The following BCOR variants were observed in gnomAD, a reference collection of about 807,000 sequenced individuals.
BCOR encodes BCL-6 corepressor.
Under a neutral mutation model 86.7 loss-of-function variants are expected in BCOR, and 10 were observed. The ratio of observed to expected loss-of-function variants is 0.12; its 90% CI spans 0.07 to 0.20. The LOEUF is 0.20. Among genes scored for constraint, BCOR ranks in the 10% least tolerant of loss-of-function variants. The pLI, the probability that BCOR is intolerant of heterozygous loss-of-function variation, is 1.00. For missense variants in BCOR, 1,259 were observed against 1,452.1 expected, an observed-to-expected ratio of 0.87 and a Z score of 2.16; for synonymous variants, 611 against 609.0, an observed-to-expected ratio of 1.00 and a Z score of -0.05.
chrX:40,099,766 G>T (rs761608112), upstream of BCOR, among the ~76,000 whole-genome samples: 1 of 112,270 alleles, frequency 8.9e-6, no homozygotes, highest in African/African-American at 3.2e-5. Flanking sequence ...TCTCAAAGCA[G>T]AAGTGAAACA....
At chrX:40,094,768 G>A (rs1936777837) in intron 1 of BCOR, among the ~76,000 whole-genome samples, 1 of 112,849 alleles carries the variant, frequency 8.9e-6, no homozygotes, top group Admixed American at 9.2e-5. Context: ...TCGCTTCCCC[G>A]CCGTCCCTCG....
At chrX:40,130,404 T>G (rs1029368289) in intron 1 of BCOR, among the ~76,000 whole-genome samples, 1 of 112,423 alleles carries the variant, frequency 8.9e-6, no homozygotes, top group African/African-American at 3.2e-5. Context: ...TCCGGGGTGC[T>G]GACTCACACA....
intron 2 of BCOR, chrX:40,077,520 A>G (rs1418589932): frequency 3.1e-5 from 9 of 286,233 alleles, no homozygotes; most frequent in Non-Finnish European, 4.3e-5. Context: ...AGCACATAGA[A>G]TGCTGCTCCA....
At chrX:40,059,963 G>A (rs1934788618) in intron 10 of BCOR, among the ~76,000 whole-genome samples, 1 of 112,330 alleles carries the variant, frequency 8.9e-6, no homozygotes, top group African/African-American at 3.2e-5. Context: ...TGAAGACAGA[G>A]GGTGTTTCTA....
At chrX:40,115,952 C>T (rs140448483) in intron 1 of BCOR, among the ~76,000 whole-genome samples, 1,147 of 111,340 alleles carry the variant, frequency 0.01, 12 homozygotes, top group African/African-American at 0.036. Context: ...CACTTTTCCC[C>T]GTTTTGAGCT....
intron 1 of BCOR, among the ~76,000 whole-genome samples, chrX:40,155,600 C>A (rs745882170): frequency 1.8e-5 from 2 of 109,611 alleles, no homozygotes; most frequent in African/African-American, 6.6e-5. Context: ...AGACCCCACT[C>A]GGACTCTCAG....
At chrX:40,155,383 C>T (rs1028022302) in intron 1 of BCOR, among the ~76,000 whole-genome samples, 6 of 111,854 alleles carry the variant, frequency 5.4e-5, no homozygotes, top group Non-Finnish European at 1.1e-4. Context: ...TCCGCACCCC[C>T]GCGGCCAGGG....
intron 1 of BCOR, among the ~76,000 whole-genome samples, chrX:40,092,765 A>G (rs1321551189): frequency 8.9e-6 from 1 of 112,368 alleles, no homozygotes; most frequent in Non-Finnish European, 1.9e-5. Context: ...ATAACCAGAG[A>G]TAATCCTAGT....
At chrX:40,069,518 G>A (rs1935367513) in intron 6 of BCOR, among the ~76,000 whole-genome samples, 1 of 112,451 alleles carries the variant, frequency 8.9e-6, no homozygotes, top group East Asian at 2.8e-4. Context: ...CCACAGCAAG[G>A]GCAAGAAGGC....
intron 11 of BCOR, among the ~76,000 whole-genome samples, chrX:40,056,157 C>CAA (rs1191280941): frequency 9.2e-6 from 1 of 109,073 alleles, no homozygotes; most frequent in African/African-American, 3.4e-5. Flanking sequence ...AGAAGGAAGT[C>CAA]AAGCCCAAAA....
rs2147199043 is a variant in BCOR at position 40,072,369 on chromosome X, G to A, written c.2977C>T (p.Arg993Trp). Residue 993 changes from arginine to tryptophan, a missense_variant, in exon 4 of 15, where the codon CGG becomes TGG. By Grantham distance (101) the Arg-to-Trp change is moderately radical. Coordinates refer to ENST00000378444, the MANE Select transcript of BCOR (RefSeq NM_001123385.2). The part of the protein sequence containing the change: ...ELYADSSQLS[R>W]EQRALQMEGL... ...CTCACCTGCAATGCCCGTTGCTCCC[G>A]GCTGAGCTGACTGGAATCTGCATAC... The A allele has an allele frequency of 1.7e-6, 2 of 1,209,542 alleles. No homozygotes were observed. The highest frequency in any genetic ancestry group is 1.1e-6 in the Non-Finnish European group (1 of 894,484).
intron 1 of BCOR, among the ~76,000 whole-genome samples, chrX:40,109,094 G>C (rs1937248670): frequency 1.8e-5 from 2 of 112,624 alleles, no homozygotes; most frequent in African/African-American, 6.4e-5. Flanking sequence ...TGGGAGGGCG[G>C]CGGGGAGGAG....
At chrX:40,147,565 C>T (rs1162182569) in intron 1 of BCOR, among the ~76,000 whole-genome samples, 1 of 113,037 alleles carries the variant, frequency 8.8e-6, no homozygotes, top group Admixed American at 9.3e-5. Flanking sequence ...CCGAGCTGAC[C>T]CAGGTTGCAG....
At chrX:40,139,943 T>C (rs929286543) in intron 1 of BCOR, among the ~76,000 whole-genome samples, 23 of 110,209 alleles carry the variant, frequency 2.1e-4, no homozygotes, top group Admixed American at 1.7e-3. Context: ...AACATCCTTT[T>C]ATAGCCTTAG....
At chrX:40,138,364 G>A (rs1937734299) in intron 1 of BCOR, among the ~76,000 whole-genome samples, 2 of 111,733 alleles carry the variant, frequency 1.8e-5, no homozygotes, top group Admixed American at 9.5e-5. Context: ...GGCGAGGGAC[G>A]ACTACGAAGC....
chrX:40,166,778 G>C (rs1386296006), intron 1 of BCOR, among the ~76,000 whole-genome samples: 1 of 112,163 alleles, frequency 8.9e-6, no homozygotes, highest in African/African-American at 3.2e-5. Context: ...AAAGCCAGGC[G>C]GTCTCTGGGG....
intron 1 of BCOR, among the ~76,000 whole-genome samples, chrX:40,129,320 C>T (rs1255831671): frequency 3.6e-5 from 4 of 110,901 alleles, no homozygotes; most frequent in African/African-American, 1.3e-4. Flanking sequence ...CCCGTCTCTA[C>T]TAAAAATACA....
chrX:40,103,856 C>A (rs986884584), intron 1 of BCOR, among the ~76,000 whole-genome samples: 5 of 111,934 alleles, frequency 4.5e-5, no homozygotes, highest in Non-Finnish European at 1.9e-5. Flanking sequence ...CTGCTTACAA[C>A]CTCCCCTTAG....
At position 40,074,587 on chromosome X, in the gene BCOR, G is replaced by A. The variant is rs373674220; in HGVS notation, c.759C>T (p.Val253=). 72 of 1,210,815 alleles carry A rather than the reference G, an allele frequency of 5.9e-5. No homozygotes were observed. Among genetic ancestry groups the A allele is most frequent in the Non-Finnish European group, 7.8e-5 (70 of 895,290 alleles). ...RFLYLPPPHY[V]GPHIPSSLAS... is the part of the protein sequence containing the mutation. The stretch of plus-strand genomic sequence containing the variant: ...CCAAGGACGATGGGATGTGGGGACC[G>A]ACGTAGTGAGGTGGCGGCAGGTAGA... Residue 253 remains valine (V), a synonymous_variant, in exon 4 of 15, where the codon GTC becomes GTT. Coordinates refer to ENST00000378444, the MANE Select transcript of BCOR (RefSeq NM_001123385.2).
Sources: gnomAD v4.1 joint callset for allele counts (sites outside exome capture counted in the v4.1 genomes callset) on GRCh38, gnomAD v4.1.1 for gene constraint, MANE v1.5 for transcripts, NCBI Gene and HGNC (gene_info 2026-07-23, HGNC 2026-07-21) for gene names.